CAMTA1: variants seen among roughly 807,000 people sequenced by gnomAD.
CAMTA1 encodes calmodulin binding transcription activator 1, also known as calmodulin-binding transcription activator 1.
A neutral mutation model predicts 170.9 loss-of-function variants in CAMTA1; 27 were observed. The ratio of observed to expected loss-of-function variants is 0.16; its 90% CI spans 0.12 to 0.22. The LOEUF is 0.22. CAMTA1 is among the 10% of genes least tolerant of loss of function. The probability of loss-of-function intolerance (pLI) is 1.00; values close to 1 mark genes in which losing one functional copy is unlikely to be tolerated. For missense variants in CAMTA1, 1,619 were observed against 2,217.2 expected, an observed-to-expected ratio of 0.73 and a Z score of 5.42; for synonymous variants, 833 against 891.5, an observed-to-expected ratio of 0.93 and a Z score of 1.17.
chr1:7,509,484 T>G (rs769866943), intron 6 of CAMTA1, among the ~76,000 whole-genome samples: 3 of 152,182 alleles, frequency 2.0e-5, no homozygotes, highest in Non-Finnish European at 4.4e-5. Flanking sequence ...CTTGTACCAT[T>G]CTTTCCCCTC....
intron 4 of CAMTA1, among the ~76,000 whole-genome samples, chr1:7,099,833 T>C (rs1424984755): frequency 2.0e-5 from 3 of 152,184 alleles, no homozygotes; most frequent in Non-Finnish European, 2.9e-5. Flanking sequence ...AATGTCAGCA[T>C]TGGGTATGAG....
intron 4 of CAMTA1, among the ~76,000 whole-genome samples, chr1:7,166,931 C>A (rs1648593876): frequency 6.6e-6 from 1 of 151,788 alleles, no homozygotes; most frequent in Admixed American, 6.6e-5. Context: ...TTACCTCAGC[C>A]TGCTGAGTAT....
rs1356368965 is a variant in CAMTA1, at chr1:7,674,309, CCCA to C, written c.2779+3276_2779+3278del. On this transcript the variant is annotated intron_variant, in intron 10 of 22. Transcript: ENST00000303635. This position sits in a 1 kb window ranked among gnomAD's most constrained non-coding sequence, Gnocchi z 4.1. Reference sequence around the variant, plus strand: ...AGGGTGCTTCAGGGGCAGGAGGGAGCCCACCAAGTTAGGGCAGTGAGCTGAGGG... The same window carrying C: ...AGGGTGCTTCAGGGGCAGGAGGGAGCCCAAGTTAGGGCAGTGAGCTGAGGG... 1.3e-5 allele frequency among the ~76,000 whole-genome samples: 2 copies of C among 151,700 alleles called. No individual in the cohort carries two copies. Among genetic ancestry groups the C allele is most frequent in the African/African-American group, 4.8e-5 (2 of 41,242 alleles).
intron 4 of CAMTA1, among the ~76,000 whole-genome samples, chr1:7,152,412 C>T (rs1334976800): frequency 6.6e-6 from 1 of 152,222 alleles, no homozygotes; most frequent in Non-Finnish European, 1.5e-5. Context: ...AAGCCCCCAA[C>T]CTTGGGCTCC....
intron 6 of CAMTA1, among the ~76,000 whole-genome samples, chr1:7,581,316 G>T (rs1434780217): frequency 6.6e-6 from 1 of 152,236 alleles, no homozygotes; most frequent in East Asian, 1.9e-4. Context: ...GAATTGCTAA[G>T]CAACAGTGTC....
chr1:7,131,822 G>A (rs58553258), intron 4 of CAMTA1, among the ~76,000 whole-genome samples: 2 of 152,114 alleles, frequency 1.3e-5, no homozygotes, highest in Non-Finnish European at 1.5e-5. Context: ...TAGGGAGGCC[G>A]AGGCGGGTGG....
intron 6 of CAMTA1, among the ~76,000 whole-genome samples, chr1:7,594,255 A>T (rs1258487517): frequency 1.3e-5 from 2 of 151,780 alleles, no homozygotes; most frequent in African/African-American, 4.8e-5. Flanking sequence ...GAAAAGAAGG[A>T]CTGTCAGAGG....
At chr1:6,881,353 AG>A (rs1358098268) in intron 3 of CAMTA1, among the ~76,000 whole-genome samples, 3 of 152,300 alleles carry the variant, frequency 2.0e-5, no homozygotes, top group East Asian at 3.9e-4. Context: ...GGTGAATTGA[AG>A]GAAGCAACAC....
Position 7,248,283 on chromosome 1 carries a change from A to G in CAMTA1, c.303-1208A>G. On this transcript the variant is annotated intron_variant, in intron 4 of 22. Coordinates refer to ENST00000303635, the MANE Select transcript of CAMTA1 (RefSeq NM_015215.4). The surrounding 1 kb of genome is among the most constrained non-coding windows in gnomAD (Gnocchi z 4.0). ...GTCTTGCCCCAGCCCTGCGGGGGACAGATGGCTGACTTATGGTTTCCTCGC... is the reference window on the plus strand; with the variant it reads ...GTCTTGCCCCAGCCCTGCGGGGGACGGATGGCTGACTTATGGTTTCCTCGC... Among the ~76,000 whole-genome samples, 1 of 152,250 alleles carries G rather than the reference A, an allele frequency of 6.6e-6. No homozygotes were observed. The highest frequency in any genetic ancestry group is 1.9e-4 in the East Asian group (1 of 5,200).
rs993134475 is a variant in CAMTA1 at position 7,251,464 on chromosome 1, T to C, written c.438+1838T>C. Among the ~76,000 whole-genome samples, 4 of 152,164 alleles carry C rather than the reference T, an allele frequency of 2.6e-5. No individual in the cohort carries two copies. Among genetic ancestry groups the C allele is most frequent in the Admixed American group, 6.5e-5 (1 of 15,292 alleles). On this transcript the variant is annotated intron_variant, in intron 5 of 22. Transcript: ENST00000303635. The surrounding 1 kb of genome is among the most constrained non-coding windows in gnomAD (Gnocchi z 5.1). ...CATGACCTCCTAACATGGATGGCAG[T>C]GTGGGCAGCGGGAAGAGCCGGTGAC...
intron 3 of CAMTA1, among the ~76,000 whole-genome samples, chr1:6,969,635 C>A (rs1317122903): frequency 1.3e-5 from 2 of 152,112 alleles, no homozygotes; most frequent in Non-Finnish European, 2.9e-5. Context: ...GGGCACCTAC[C>A]TTTGGGGTTT....
chr1:7,292,375 T>C (rs1248053991), intron 5 of CAMTA1, among the ~76,000 whole-genome samples: 1 of 152,192 alleles, frequency 6.6e-6, no homozygotes, highest in Non-Finnish European at 1.5e-5. Context: ...GAAGCCACCT[T>C]GTATTTCAGC....
In CAMTA1 at chr1:7,643,017, C is replaced by T. The variant is rs916945992; in HGVS notation, c.664+2464C>T. ...CCTGCAGGAAGTAGCCTGGAACCTC[C>T]TTTCTGGGGCTTAGTCAGTGCTTTC... On this transcript the variant is annotated intron_variant, in intron 7 of 22. Coordinates refer to ENST00000303635, the MANE Select transcript of CAMTA1 (RefSeq NM_015215.4). 6.6e-5 allele frequency among the ~76,000 whole-genome samples: 10 copies of T among 152,142 alleles called. No individual in the cohort carries two copies. The East Asian group carries it at 1.9e-3, about 29-fold the overall frequency.
chr1:7,488,338 A>G lies in CAMTA1; in HGVS notation c.510+20437A>G, dbSNP rs139683955. On this transcript the variant is annotated intron_variant, in intron 6 of 22. Coordinates refer to ENST00000303635, the MANE Select transcript of CAMTA1 (RefSeq NM_015215.4). The stretch of plus-strand genomic sequence containing the variant: ...GCCTGGAGTGGCCAGGGATGGCTCC[A>G]GACCCTGGTGTCTGGCACCCCACTG... Among the ~76,000 whole-genome samples the G allele has an allele frequency of 7.8e-3, 1,192 of 152,194 alleles. 19 individuals are homozygous for G. Among genetic ancestry groups the G allele is most frequent in the African/African-American group, 0.026 (1,087 of 41,506 alleles).
rs539610844 is a variant in CAMTA1 at position 7,364,413 on chromosome 1, G to C, written c.439-103417G>C. ...GGCACCTTCTATGTGTCCTCACATG[G>C]TGGAGGAGGGGGCACACAGGTTCCC... is the stretch of plus-strand genomic sequence containing the variant. On this transcript the variant is annotated intron_variant, in intron 5 of 22. Transcript: ENST00000303635. 4.0e-5 allele frequency among the ~76,000 whole-genome samples: 6 copies of C among 151,740 alleles called. No homozygotes were observed. In the East Asian group the frequency reaches 1.2e-3, roughly 29 times the overall value.
intron 7 of CAMTA1, among the ~76,000 whole-genome samples, chr1:7,657,421 A>C (rs2095914005): frequency 6.6e-6 from 1 of 152,212 alleles, no homozygotes; most frequent in Non-Finnish European, 1.5e-5. Flanking sequence ...GATGTGACCC[A>C]GAGCCACCAG....
intron 5 of CAMTA1, among the ~76,000 whole-genome samples, chr1:7,393,051 T>C (rs1484222850): frequency 1.2e-5 from 1 of 84,218 alleles, no homozygotes; most frequent in East Asian, 2.4e-4. Context: ...ATACTATATC[T>C]CTTAAAAAAA....
intron 6 of CAMTA1, among the ~76,000 whole-genome samples, chr1:7,493,289 A>AC (rs1491117790): frequency 4.8e-5 from 7 of 146,654 alleles, no homozygotes; most frequent in African/African-American, 1.6e-4. Flanking sequence ...ACACGCGCAC[A>AC]AACACAAACA....
chr1:7,496,305 G>A (rs1229441554), intron 6 of CAMTA1, among the ~76,000 whole-genome samples: 5 of 152,200 alleles, frequency 3.3e-5, no homozygotes, highest in Non-Finnish European at 4.4e-5. Context: ...TGTGGGGCAC[G>A]TGAGCTCGTG....
Sources: gnomAD v4.1 joint callset for allele counts (sites outside exome capture counted in the v4.1 genomes callset) on GRCh38, gnomAD v4.1.1 for gene constraint, Gnocchi (gnomAD v3.1) non-coding constraint, MANE v1.5 for transcripts, NCBI Gene and HGNC (gene_info 2026-07-23, HGNC 2026-07-21) for gene names.